VPS13C: variants seen among roughly 807,000 people sequenced by gnomAD.
The protein encoded by VPS13C is vacuolar protein sorting 13 homolog C.
VPS13C carries 358 observed loss-of-function variants against 456.8 expected under a neutral mutation model. The ratio of observed to expected loss-of-function variants is 0.78; its 90% CI spans 0.72 to 0.86. VPS13C has a LOEUF of 0.86. Among genes scored for constraint, VPS13C ranks in the 40% least tolerant of loss-of-function variants. The pLI is 0.00. For synonymous variants in VPS13C, 1,578 were observed against 1,486.7 expected, an observed-to-expected ratio of 1.06 and a Z score of -1.41; for missense variants, 4,818 against 4,385.4, an observed-to-expected ratio of 1.10 and a Z score of -2.79.
At chr15:61,974,931 C>T (rs1460060158) in intron 24 of VPS13C, among the ~76,000 whole-genome samples, 5 of 152,128 alleles carry the variant, frequency 3.3e-5, no homozygotes. Flanking sequence ...CAGTTGCTTA[C>T]TTTTTGGCAG....
At chr15:61,943,058 C>T (rs749317889) in intron 45 of VPS13C, among the ~76,000 whole-genome samples, 4 of 151,968 alleles carry the variant, frequency 2.6e-5, no homozygotes, top group East Asian at 1.9e-4. Flanking sequence ...ATACATCTAA[C>T]CAAGGAGGTG....
rs773959745 is a variant in VPS13C at position 62,034,959 on chromosome 15, G to T, written c.281C>A (p.Ala94Glu). 1 of 1,588,076 alleles carries T rather than the reference G, an allele frequency of 6.3e-7. No homozygotes were observed. The highest frequency in any genetic ancestry group is 1.7e-5 in the Admixed American group (1 of 57,718). Residue 94 changes from alanine (A) to glutamate (E), a missense_variant and splice_region_variant, in exon 4 of 85, where the codon GCA becomes GAA. By Grantham distance (107) the Ala-to-Glu change is moderately radical. This residue lies in a region of VPS13C where 4,552 missense variants were observed against 4,130.6 expected (regional missense o/e 1.10). Coordinates refer to ENST00000644861, the MANE Select transcript of VPS13C (RefSeq NM_020821.3). ...EGLYLLVVPGASIKYDAVKEE... is the reference protein window; with the variant it reads ...EGLYLLVVPGESIKYDAVKEE... Reference sequence around the variant, plus strand: ...GGTTATAACCTAAAATAACATACTTGCTCCAGGGACAACAAGCAGGTATAA... The same window carrying T: ...GGTTATAACCTAAAATAACATACTTTCTCCAGGGACAACAAGCAGGTATAA...
chr15:61,902,731 G>A (rs1193444852), intron 66 of VPS13C, among the ~76,000 whole-genome samples: 1 of 151,964 alleles, frequency 6.6e-6, no homozygotes, highest in Non-Finnish European at 1.5e-5. Flanking sequence ...CAAACCCACA[G>A]CTAACATCAT....
chr15:62,001,369 AG>A (rs1182156762), intron 15 of VPS13C, among the ~76,000 whole-genome samples: 1 of 152,238 alleles, frequency 6.6e-6, no homozygotes, highest in African/African-American at 2.4e-5. Context: ...GATATACTTC[AG>A]AAAAATAGGA....
chr15:61,999,434 T>G (rs1003387627), intron 16 of VPS13C, among the ~76,000 whole-genome samples: 15 of 151,884 alleles, frequency 9.9e-5, no homozygotes, highest in African/African-American at 3.4e-4. Flanking sequence ...AAATTTTTAA[T>G]TGTGTGGGGG....
At chr15:62,037,266 ATTATAT>A (rs2048052147) in intron 3 of VPS13C, among the ~76,000 whole-genome samples, 2 of 22,144 alleles carry the variant, frequency 9.0e-5, no homozygotes. Context: ...TATATATTAT[ATTATAT>A]AATATATTAT....
At chr15:62,041,087 G>A (rs1332194647) in intron 3 of VPS13C, among the ~76,000 whole-genome samples, 3 of 152,128 alleles carry the variant, frequency 2.0e-5, no homozygotes, top group African/African-American at 4.8e-5. Flanking sequence ...ACCAAAGCCT[G>A]AAGAATGCAA....
At chr15:62,002,231 T>G (rs1470449170) in intron 15 of VPS13C, among the ~76,000 whole-genome samples, 3 of 152,226 alleles carry the variant, frequency 2.0e-5, no homozygotes, top group Non-Finnish European at 4.4e-5. Flanking sequence ...TGAGATGGTA[T>G]CTCATTGTGG....
intron 66 of VPS13C, among the ~76,000 whole-genome samples, chr15:61,900,807 T>TC (rs1425421710): frequency 2.6e-5 from 4 of 151,628 alleles, no homozygotes; most frequent in Non-Finnish European, 5.9e-5. Flanking sequence ...GCCAAGTCAA[T>TC]CCTAAGCCAA....
At chr15:62,025,673 T>C (rs1341608077) in intron 6 of VPS13C, among the ~76,000 whole-genome samples, 1 of 152,114 alleles carries the variant, frequency 6.6e-6, no homozygotes, top group African/African-American at 2.4e-5. Context: ...ACAGTTTAAA[T>C]CTAATCTTAG....
At chr15:62,028,588 C>T (rs866816134) in intron 5 of VPS13C, among the ~76,000 whole-genome samples, 168 bp from the exon 6 acceptor site, 8 of 152,048 alleles carry the variant, frequency 5.3e-5, no homozygotes, top group African/African-American at 1.9e-4. Flanking sequence ...GAAATATTCA[C>T]AGTGACACCA....
intron 16 of VPS13C, among the ~76,000 whole-genome samples, chr15:61,997,131 T>A (rs544129961): frequency 3.3e-5 from 5 of 152,186 alleles, no homozygotes; most frequent in Non-Finnish European, 7.4e-5. Flanking sequence ...CCATATTTAG[T>A]AGGTTTAATG....
chr15:61,876,553 T>C (rs555354991), intron 75 of VPS13C, among the ~76,000 whole-genome samples: 1 of 152,042 alleles, frequency 6.6e-6, no homozygotes, highest in East Asian at 1.9e-4. Flanking sequence ...GGTATAGCAA[T>C]TGTACCAAAG....
intron 69 of VPS13C, 143 bp from the exon 70 acceptor site, chr15:61,881,971 A>C: frequency 1.3e-6 from 1 of 750,720 alleles, no homozygotes. Flanking sequence ...GTTTCATTTT[A>C]AATCTGTAAA....
chr15:62,049,387 C>G (rs1190498849), intron 1 of VPS13C, among the ~76,000 whole-genome samples: 1 of 152,194 alleles, frequency 6.6e-6, no homozygotes, highest in Non-Finnish European at 1.5e-5. Context: ...TTGTTTTTCT[C>G]AGGTTTGTCA....
intron 21 of VPS13C, among the ~76,000 whole-genome samples, chr15:61,982,011 G>A (rs1021536773): frequency 2.6e-5 from 4 of 152,188 alleles, no homozygotes; most frequent in African/African-American, 9.7e-5. Context: ...GCACAGTATA[G>A]TAAACCCAAC....
chr15:61,983,945 C>T lies in VPS13C; in HGVS notation c.1789G>A (p.Val597Met). The change falls in exon 20 of 85, where the codon GTG (valine) becomes ATG (methionine). Residue 597 changes from valine (V) to methionine (M), a missense_variant. Physicochemically the swap from Val to Met is conservative, Grantham distance 21. Around this residue, in one of 3 missense-constraint regions of VPS13C, gnomAD observed 4,552 missense variants for 4,130.6 expected, o/e 1.10. Transcript: ENST00000644861. ...GATGTAGTGTCACCAATTGAAGCCA[C>T]AAGTGATGGCACAATATCCTGCTGT... ...LRQQDIVPSLVASIGDTTSSL... is the reference protein window; with the variant it reads ...LRQQDIVPSLMASIGDTTSSL... 4.3e-6 allele frequency: 7 copies of T among 1,614,122 alleles called. No individual in the cohort carries two copies. Among genetic ancestry groups the T allele is most frequent in the Non-Finnish European group, 5.9e-6 (7 of 1,180,000 alleles).
intron 77 of VPS13C, among the ~76,000 whole-genome samples, chr15:61,874,490 TAAGGCTCA>T (rs1895267936): frequency 6.6e-6 from 1 of 152,042 alleles, no homozygotes; most frequent in African/African-American, 2.4e-5. Flanking sequence ...AATAATTTTT[TAAGGCTCA>T]GAGAAGTTAC....
chr15:61,966,049 A>G, intron 30 of VPS13C, 34 bp downstream of exon 30: 1 of 1,553,108 alleles, frequency 6.4e-7, no homozygotes, highest in Admixed American at 1.8e-5. Context: ...GGTTATTTTC[A>G]AACAGGATAA....
Sources: gnomAD v4.1 joint callset for allele counts (sites outside exome capture counted in the v4.1 genomes callset) on GRCh38, gnomAD v4.1.1 for gene constraint, gnomAD v4.1.1 regional missense constraint, MANE v1.5 for transcripts, NCBI Gene and HGNC (gene_info 2026-07-23, HGNC 2026-07-21) for gene names.